Variants in CELF2 observed in about 807,000 individuals in gnomAD.
The protein encoded by CELF2 is CUG triplet repeat RNA-binding protein 2.
In CELF2, 8 loss-of-function variants were observed where a neutral mutation model predicts 62.6. The observed-to-expected ratio is 0.13, with a 90% confidence interval of 0.07 to 0.23. The LOEUF (loss-of-function observed/expected upper bound fraction) is 0.23. Among genes scored for constraint, CELF2 ranks in the 10% least tolerant of loss-of-function variants. The pLI is 1.00. For synonymous variants in CELF2, 258 were observed against 250.0 expected (o/e 1.03, Z -0.30); for missense variants, 333 against 671.0 (o/e 0.50, Z 5.56).
intron 1 of CELF2, among the ~76,000 whole-genome samples, chr10:11,106,631 G>T (rs2053572441): frequency 6.6e-6 from 1 of 152,216 alleles, no homozygotes; most frequent in South Asian, 2.1e-4. Flanking sequence ...CACCCTCCAG[G>T]GTGGAATTCC....
chr10:11,306,997 G>GCA lies in CELF2; in HGVS notation c.977-7142_977-7141insCA, dbSNP rs113859586. Among the ~76,000 whole-genome samples, 21 of 152,272 alleles carry GCA rather than the reference G, an allele frequency of 1.4e-4. No homozygotes were observed. Among genetic ancestry groups the GCA allele is most frequent in the African/African-American group, 3.9e-4 (16 of 41,548 alleles). On this transcript the variant is annotated intron_variant, in intron 9 of 12. Coordinates refer to ENST00000633077, the MANE Select transcript of CELF2 (RefSeq NM_001326342.2). The surrounding 1 kb of genome is among the most constrained non-coding windows in gnomAD (Gnocchi z 4.4). ...GCTGCCCCATGCTCATAGGCTGTGC[G>GCA]TGTATCTGTGCCTAAGGAGTTCTCT...
At chr10:10,654,809 A>G in the CELF2 span, among the ~76,000 whole-genome samples, 1 of 150,296 alleles carries the variant, frequency 6.7e-6, no homozygotes, top group Non-Finnish European at 1.5e-5. Flanking sequence ...AAACTGGCAC[A>G]GGACAGGGAT....
Position 11,214,006 on chromosome 10 carries a change from G to A in CELF2, c.272-3419G>A, listed in dbSNP as rs907771711. Among the ~76,000 whole-genome samples the A allele has an allele frequency of 1.5e-4, 23 of 152,260 alleles. No individual in the cohort carries two copies. Among genetic ancestry groups the A allele is most frequent in the East Asian group, 1.9e-4 (1 of 5,180 alleles). On this transcript the variant is annotated intron_variant, in intron 2 of 12. Coordinates refer to ENST00000633077, the MANE Select transcript of CELF2 (RefSeq NM_001326342.2). The surrounding 1 kb of genome is among the most constrained non-coding windows in gnomAD (Gnocchi z 4.2). ...TTTTACTTACTGATGAGACTAGGCC[G>A]GGCACAGTAGCTCATGCCTATAGTC... is the stretch of plus-strand genomic sequence containing the variant.
intron 1 of CELF2, among the ~76,000 whole-genome samples, chr10:10,871,685 A>ATCC (rs2060758022): frequency 6.6e-6 from 1 of 152,168 alleles, no homozygotes; most frequent in South Asian, 2.1e-4. Flanking sequence ...ACTTCTAGGA[A>ATCC]GGACTTTTGG....
intron 2 of CELF2, chr10:10,923,811 G>A (rs1361646665): frequency 1.3e-5 from 2 of 152,186 alleles, no homozygotes; most frequent in Non-Finnish European, 2.9e-5. Context: ...TCCCGGAAAC[G>A]GGATGTATGG....
chr10:10,574,305 G>A, the CELF2 span, among the ~76,000 whole-genome samples: 3 of 152,198 alleles, frequency 2.0e-5, no homozygotes, highest in Non-Finnish European at 2.9e-5. Context: ...ACCAACTGAT[G>A]ACAAAGTAGA....
upstream of CELF2, chr10:11,005,084 A>C: frequency 1.0e-6 from 1 of 985,346 alleles, no homozygotes; most frequent in Non-Finnish European, 1.2e-6. This position sits in a 1 kb window ranked among gnomAD's most constrained non-coding sequence, Gnocchi z 4.3. Flanking sequence ...GCCAGGCTTG[A>C]GTGAATGCAG....
the CELF2 span, among the ~76,000 whole-genome samples, chr10:10,550,052 A>G: frequency 2.6e-5 from 4 of 152,216 alleles, no homozygotes; most frequent in African/African-American, 7.2e-5. Flanking sequence ...TTGAAAATCC[A>G]TGTATAATTT....
Position 11,242,855 on chromosome 10 carries a change from G to A in CELF2, c.355-6298G>A, listed in dbSNP as rs571712041. 2.0e-5 allele frequency among the ~76,000 whole-genome samples: 3 copies of A among 152,210 alleles called. No homozygotes were observed. Among genetic ancestry groups the A allele is most frequent in the Admixed American group, 1.3e-4 (2 of 15,284 alleles). ...CTTATCCCCAGGAGGTGGGACGAAG[G>A]GGGAGGCCTGATGCTGGGAGGCTTG... On this transcript the variant is annotated intron_variant, in intron 3 of 12. Coordinates refer to ENST00000633077, the MANE Select transcript of CELF2 (RefSeq NM_001326342.2). The surrounding 1 kb of genome is among the most constrained non-coding windows in gnomAD (Gnocchi z 4.8).
At chr10:10,941,300 A>T (rs1020017855) in intron 2 of CELF2, among the ~76,000 whole-genome samples, 2 of 152,054 alleles carry the variant, frequency 1.3e-5, no homozygotes, top group Admixed American at 6.6e-5. Flanking sequence ...TCCTGATGCC[A>T]TCCCCCTCTC....
At chr10:10,769,680 C>T in the CELF2 span, among the ~76,000 whole-genome samples, 2 of 152,106 alleles carry the variant, frequency 1.3e-5, no homozygotes, top group Non-Finnish European at 2.9e-5. Context: ...AGGAGAATCA[C>T]TTGAACCCAG....
Position 11,334,295 on chromosome 10 carries a change from A to G in CELF2, c.*5242A>G, listed in dbSNP as rs1566065716. ...TGAAACAGTCAAACTTATTTTTGTA[A>G]TGTATGTTATTGTGTGATGCAGTTT... On this transcript the variant is annotated 3_prime_UTR_variant, in exon 13 of 13. Coordinates refer to ENST00000633077, the MANE Select transcript of CELF2 (RefSeq NM_001326342.2). 6.6e-6 allele frequency: 1 copy of G among 152,592 alleles called. No homozygotes were observed. Among genetic ancestry groups the G allele is most frequent in the East Asian group, 1.9e-4 (1 of 5,196 alleles). 9.5% of individuals were successfully genotyped at this position (152,592 alleles called of 1,614,324 possible). A position where few individuals can be genotyped will look rare whatever the true frequency, so the allele number is the denominator to read the frequency against.
chr10:10,835,830 A>G (rs962061129), intron 1 of CELF2, among the ~76,000 whole-genome samples: 4 of 152,212 alleles, frequency 2.6e-5, no homozygotes, highest in African/African-American at 9.7e-5. Flanking sequence ...CAAATGCATA[A>G]TTGTAAGATC....
At chr10:10,855,754 A>G (rs1257266308) in intron 1 of CELF2, among the ~76,000 whole-genome samples, 1 of 152,174 alleles carries the variant, frequency 6.6e-6, no homozygotes, top group South Asian at 2.1e-4. Flanking sequence ...AGGCACTAGT[A>G]ATCAGCATTA....
At chr10:11,249,907 A>G (rs1344886016) in intron 4 of CELF2, among the ~76,000 whole-genome samples, 1 of 152,214 alleles carries the variant, frequency 6.6e-6, no homozygotes, top group East Asian at 1.9e-4. Flanking sequence ...AATGTATGTT[A>G]AAAGAATCTT....
chr10:11,006,103 G>T (rs1377909714), intron 1 of CELF2, among the ~76,000 whole-genome samples: 1 of 152,198 alleles, frequency 6.6e-6, no homozygotes, highest in South Asian at 2.1e-4. Context: ...AATTATGATA[G>T]AATTGGCATC....
chr10:10,854,560 T>C (rs935236862), intron 1 of CELF2, among the ~76,000 whole-genome samples: 4 of 152,148 alleles, frequency 2.6e-5, no homozygotes, highest in African/African-American at 7.2e-5. Context: ...TCCAGCTTTA[T>C]TGGCATTTCC....
chr10:11,334,838 A>C lies in CELF2; in HGVS notation c.*5785A>C, dbSNP rs992037680. The C allele has an allele frequency of 3.3e-5, 5 of 152,218 alleles. No individual in the cohort carries two copies. The highest frequency in any genetic ancestry group is 7.3e-5 in the Non-Finnish European group (5 of 68,046). 9.4% of individuals were successfully genotyped at this position (152,218 alleles called of 1,614,324 possible). On this transcript the variant is annotated 3_prime_UTR_variant, in exon 13 of 13. Coordinates refer to ENST00000633077, the MANE Select transcript of CELF2 (RefSeq NM_001326342.2). ...TCTAAAAGAAGTGAGTTCTCCAGGG[A>C]AGAAAAATCAACTTAGCCAGTGAAA...
the CELF2 span, among the ~76,000 whole-genome samples, chr10:10,593,215 C>T: frequency 6.6e-6 from 1 of 152,198 alleles, no homozygotes; most frequent in African/African-American, 2.4e-5. Flanking sequence ...CACCCCAAAA[C>T]TTAGTGGCTT....
Sources: allele counts gnomAD v4.1 joint callset (sites outside exome capture counted in the v4.1 genomes callset), GRCh38; gene constraint gnomAD v4.1.1; non-coding constraint Gnocchi (gnomAD v3.1); transcripts MANE v1.5; gene names NCBI Gene and HGNC (gene_info 2026-07-23, HGNC 2026-07-21).